Variants in CACUL1 observed in about 807,000 individuals in gnomAD.
The protein encoded by CACUL1 is CDK2-associated and cullin domain-containing protein 1.
Under a neutral mutation model 45.2 loss-of-function variants are expected in CACUL1, and 13 were observed. That is an observed-to-expected ratio of 0.29 (90% CI 0.19 to 0.46). CACUL1 has a LOEUF of 0.46. Among genes scored for constraint, CACUL1 ranks in the 20% least tolerant of loss-of-function variants. The pLI is 1.00. For missense variants in CACUL1, 421 were observed against 471.4 expected (o/e 0.89, Z 0.99); for synonymous variants, 197 against 174.2 (o/e 1.13, Z -1.03).
chr10:118,691,557 T>G (rs769580357), intron 6 of CACUL1, 154 bp from the exon 7 acceptor site: 4 of 677,364 alleles, frequency 5.9e-6, no homozygotes, highest in Non-Finnish European at 9.9e-6. Flanking sequence ...CATACAAAGT[T>G]AAATTTCCCT....
chr10:118,686,155 T>C lies in CACUL1; in HGVS notation c.1083A>G (p.Ala361=), dbSNP rs374433493. 2.5e-6 allele frequency: 4 copies of C among 1,613,146 alleles called. No homozygotes were observed. Among genetic ancestry groups the C allele is most frequent in the Non-Finnish European group, 3.4e-6 (4 of 1,179,188 alleles). The change falls in exon 9 of 9, where the codon GCA becomes GCG. Residue 361 remains alanine (A), a synonymous_variant. Transcript: ENST00000369151. ...GDELAYNSSS[A]CASSRGYR is the part of the protein sequence containing the mutation. ...ATCTGTACCCCCTGGAACTTGCACA[T>C]GCTGACGAGCTATCTGAAAAAACAT... is the stretch of plus-strand genomic sequence containing the variant.
chr10:118,699,861 G>C (rs1845360733), intron 5 of CACUL1, among the ~76,000 whole-genome samples: 1 of 151,562 alleles, frequency 6.6e-6, no homozygotes, highest in Non-Finnish European at 1.5e-5. Flanking sequence ...TGTTAGCCAG[G>C]ATGATCTCAA....
At chr10:118,752,739 A>C (rs1196157289) in intron 1 of CACUL1, among the ~76,000 whole-genome samples, 2 of 152,366 alleles carry the variant, frequency 1.3e-5, no homozygotes, top group East Asian at 3.9e-4. Flanking sequence ...ATCTGGATGC[A>C]GAGCTTCTAA....
At position 118,722,178 on chromosome 10, in the gene CACUL1, G is replaced by A. The variant is rs185672435; in HGVS notation, c.597+7117C>T. Among the ~76,000 whole-genome samples the A allele has an allele frequency of 7.5e-3, 1,140 of 151,702 alleles. 8 individuals are homozygous for A. Among genetic ancestry groups the A allele is most frequent in the Admixed American group, 0.015 (226 of 15,234 alleles). On this transcript the variant is annotated intron_variant, in intron 3 of 8. Transcript: ENST00000369151. ...GGCTCACTGCAACCTCCGCCTCCCA[G>A]GTTCAAGTGATTCTCCTGCCTCAGC...
chr10:118,689,946 C>G (rs1845245350), intron 7 of CACUL1, among the ~76,000 whole-genome samples: 1 of 152,128 alleles, frequency 6.6e-6, no homozygotes. Flanking sequence ...AGTATAAAGA[C>G]TTCAGAATTA....
At chr10:118,753,691 C>T (rs1001507568) in intron 1 of CACUL1, among the ~76,000 whole-genome samples, 1 of 152,220 alleles carries the variant, frequency 6.6e-6, no homozygotes, top group Non-Finnish European at 1.5e-5. Context: ...TAAAGTTCAA[C>T]ATGCAACCCA....
chr10:118,690,661 T>C (rs1845256608), intron 7 of CACUL1, among the ~76,000 whole-genome samples: 1 of 152,232 alleles, frequency 6.6e-6, no homozygotes, highest in African/African-American at 2.4e-5. Context: ...ATAAAAGTTC[T>C]ATATGCACAG....
Position 118,691,415 on chromosome 10 carries a change from G to A in CACUL1, c.887-12C>T, listed in dbSNP as rs1845264661. The A allele has an allele frequency of 6.2e-7, 1 of 1,604,592 alleles. No individual in the cohort carries two copies. The highest frequency in any genetic ancestry group is 8.5e-7 in the Non-Finnish European group (1 of 1,173,804). ...CATCTGAACCCACTCTGTGAGGAAA[G>A]GAAACAATTCATTAAGGAAATCATA... is the stretch of plus-strand genomic sequence containing the variant. On this transcript the variant is annotated splice_polypyrimidine_tract_variant and intron_variant, in intron 6 of 8. Coordinates refer to ENST00000369151, the MANE Select transcript of CACUL1 (RefSeq NM_153810.5).
In CACUL1 at chr10:118,754,324, C is replaced by T. The variant is rs552678690; in HGVS notation, c.367+72G>A. ...TGAAACAAAGGAAGCGGAGCTTTCT[C>T]CAAGAGGGGGTGGATTCGGCGTCCG... On this transcript the variant is annotated intron_variant, in intron 1 of 8. Transcript: ENST00000369151. The T allele has an allele frequency of 6.3e-6, 9 of 1,433,622 alleles. No homozygotes were observed. In the East Asian group the frequency reaches 2.5e-4, roughly 40 times the overall value. The allele number at this position is 1,433,622 out of a possible 1,614,324, so 88.8% of individuals were successfully genotyped here.
intron 6 of CACUL1, among the ~76,000 whole-genome samples, chr10:118,692,094 A>T (rs1845277427): frequency 6.6e-6 from 1 of 152,110 alleles, no homozygotes; most frequent in Non-Finnish European, 1.5e-5. Flanking sequence ...TTAAAACAAT[A>T]TATAGCCCAA....
chr10:118,704,666 T>A (rs1845416883), intron 4 of CACUL1, among the ~76,000 whole-genome samples: 1 of 152,256 alleles, frequency 6.6e-6, no homozygotes, highest in Non-Finnish European at 1.5e-5. Flanking sequence ...AGTAGTGTCC[T>A]TGCTTTAACC....
chr10:118,709,038 TCTCA>T (rs1845459878), intron 3 of CACUL1, among the ~76,000 whole-genome samples: 1 of 152,198 alleles, frequency 6.6e-6, no homozygotes, highest in Non-Finnish European at 1.5e-5. Context: ...TGACCAGAAG[TCTCA>T]CTGATAACAT....
At chr10:118,690,712 C>CT (rs1845257016) in intron 7 of CACUL1, among the ~76,000 whole-genome samples, 1 of 152,182 alleles carries the variant, frequency 6.6e-6, no homozygotes. Context: ...GCTCCTGGAG[C>CT]TTGCCCACCT....
intron 5 of CACUL1, among the ~76,000 whole-genome samples, chr10:118,698,396 G>A (rs1279994807): frequency 4.6e-5 from 7 of 152,006 alleles, no homozygotes; most frequent in East Asian, 1.9e-4. Flanking sequence ...CGCCTGCCTC[G>A]GCCTCCCAAA....
chr10:118,748,227 A>G (rs183967483), intron 1 of CACUL1, among the ~76,000 whole-genome samples: 207 of 152,338 alleles, frequency 1.4e-3, no homozygotes, highest in African/African-American at 4.8e-3. Context: ...TGAGTATGCC[A>G]GGAATGCAAT....
Position 118,682,908 on chromosome 10 carries a change from T to G in CACUL1, c.*3220A>C, listed in dbSNP as rs1226054940. ...TTTGTTAAAGGGACAGAAGAAAAAG[T>G]AGCTTGTCTACAAAATAATGCACAA... On this transcript the variant is annotated 3_prime_UTR_variant, in exon 9 of 9. Transcript: ENST00000369151. The G allele has an allele frequency of 6.6e-6, 1 of 152,224 alleles. No individual in the cohort carries two copies. The highest frequency in any genetic ancestry group is 1.9e-4 in the East Asian group (1 of 5,192). 9.4% of individuals were successfully genotyped at this position (152,224 alleles called of 1,614,324 possible).
intron 3 of CACUL1, among the ~76,000 whole-genome samples, chr10:118,718,246 G>A (rs1845565535): frequency 6.6e-6 from 1 of 152,128 alleles, no homozygotes; most frequent in Admixed American, 6.5e-5. Flanking sequence ...TACTGCTGCT[G>A]ATGGAAGCAC....
intron 1 of CACUL1, among the ~76,000 whole-genome samples, chr10:118,748,773 A>C (rs1845868524): frequency 6.6e-6 from 1 of 152,202 alleles, no homozygotes; most frequent in Non-Finnish European, 1.5e-5. Flanking sequence ...GTCAACCTGT[A>C]ACAGTAATAG....
intron 3 of CACUL1, among the ~76,000 whole-genome samples, chr10:118,725,371 G>C (rs1845642525): frequency 6.6e-6 from 1 of 152,164 alleles, no homozygotes; most frequent in Admixed American, 6.5e-5. Context: ...GGGGTGCTGA[G>C]GCCGGAGGAT....
Sources: gnomAD v4.1 joint callset for allele counts (sites outside exome capture counted in the v4.1 genomes callset) on GRCh38, gnomAD v4.1.1 for gene constraint, MANE v1.5 for transcripts, NCBI Gene and HGNC (gene_info 2026-07-23, HGNC 2026-07-21) for gene names.